The following SHANK2 variants were observed in gnomAD, a reference collection of about 807,000 sequenced individuals.
SHANK2 encodes the protein SH3 and multiple ankyrin repeat domains 2, also known as SH3 and multiple ankyrin repeat domains protein 2.
A neutral mutation model predicts 133.7 loss-of-function variants in SHANK2; 43 were observed. That is an observed-to-expected ratio of 0.32 (90% confidence interval 0.25 to 0.41). SHANK2 has a LOEUF of 0.41. Among genes scored for constraint, SHANK2 ranks in the 10% least tolerant of loss-of-function variants. The pLI is 1.00. For missense variants in SHANK2, 1,994 were observed against 2,235.8 expected (o/e 0.89, Z 2.18); for synonymous variants, 1,017 against 952.8 (o/e 1.07, Z -1.24).
In SHANK2 at chr11:70,500,480, A is replaced by G; in HGVS notation, c.2308+90T>C. On this transcript the variant is annotated intron_variant, in intron 21 of 25. Transcript: ENST00000601538. The surrounding 1 kb of genome is among the most constrained non-coding windows in gnomAD (Gnocchi z 4.5). ...AGAAGCCAACAAGGCTTTGCGACAC[A>G]TTTGAGACTTCACGGCATCACAAAG... is the stretch of plus-strand genomic sequence containing the variant. 1 of 1,533,650 alleles carries G rather than the reference A, an allele frequency of 6.5e-7. No homozygotes were observed. Among genetic ancestry groups the G allele is most frequent in the Non-Finnish European group, 8.9e-7 (1 of 1,129,530 alleles).
chr11:70,706,319 A>G (rs1945662687), intron 14 of SHANK2, among the ~76,000 whole-genome samples: 1 of 152,190 alleles, frequency 6.6e-6, no homozygotes, highest in South Asian at 2.1e-4. Flanking sequence ...GTAACTCTGG[A>G]GAAAGTGAGC....
chr11:70,719,325 T>C (rs1946025281), intron 14 of SHANK2, among the ~76,000 whole-genome samples: 1 of 152,188 alleles, frequency 6.6e-6, no homozygotes, highest in Non-Finnish European at 1.5e-5. Flanking sequence ...AAGGGTGGAC[T>C]TGGGGCTAGA....
chr11:70,948,333 T>G (rs1176890243), intron 10 of SHANK2: 1 of 457,226 alleles, frequency 2.2e-6, no homozygotes, highest in African/African-American at 2.0e-5. Context: ...GAGTGTGGTG[T>G]GGCTCACTGA....
At chr11:70,607,484 T>G (rs2060594153) in intron 17 of SHANK2, among the ~76,000 whole-genome samples, 1 of 152,160 alleles carries the variant, frequency 6.6e-6, no homozygotes, top group Non-Finnish European at 1.5e-5. Flanking sequence ...CTCCCTGCCC[T>G]CAGGTGCCCA....
At chr11:71,057,632 C>T (rs1468369442) in intron 9 of SHANK2, among the ~76,000 whole-genome samples, 2 of 152,084 alleles carry the variant, frequency 1.3e-5, no homozygotes, top group Non-Finnish European at 2.9e-5. Flanking sequence ...TCGCTGCAAC[C>T]TTCATCTCTT....
intron 10 of SHANK2, chr11:70,952,802 C>G: frequency 2.3e-6 from 1 of 429,776 alleles, no homozygotes; most frequent in African/African-American, 2.1e-5. Flanking sequence ...CCTATGGTCT[C>G]TGGTAGCTGC....
intron 17 of SHANK2, among the ~76,000 whole-genome samples, chr11:70,629,461 C>T (rs895742436): frequency 3.3e-5 from 5 of 152,324 alleles, no homozygotes; most frequent in East Asian, 3.9e-4. Flanking sequence ...GACACACGGA[C>T]GTCCAGCAGG....
chr11:70,673,838 C>G (rs1484004367), intron 15 of SHANK2, among the ~76,000 whole-genome samples: 1 of 152,264 alleles, frequency 6.6e-6, no homozygotes, highest in Non-Finnish European at 1.5e-5. Context: ...CTTCCAAGTG[C>G]TGATGCTTCA....
At chr11:70,625,699 C>G (rs1158725804) in intron 17 of SHANK2, among the ~76,000 whole-genome samples, 1 of 151,436 alleles carries the variant, frequency 6.6e-6, no homozygotes, top group Admixed American at 6.6e-5. Context: ...TCCCTGCACT[C>G]TCCTCTTTTA....
chr11:71,152,668 A>G (rs11232297), intron 2 of SHANK2, among the ~76,000 whole-genome samples: 85,696 of 151,998 alleles, frequency 0.56, 24,667 homozygotes, highest in South Asian at 0.71. Context: ...GAAGGGCTCC[A>G]GTGCTGGGTC....
chr11:70,759,165 A>AAAACCAAACC (rs112523125), intron 14 of SHANK2, among the ~76,000 whole-genome samples: 15 of 146,710 alleles, frequency 1.0e-4, no homozygotes, highest in East Asian at 4.3e-4. Flanking sequence ...ACTCCATCAC[A>AAAACCAAACC]AAACCAAACC....
chr11:71,123,076 G>A (rs1952109343), intron 3 of SHANK2, among the ~76,000 whole-genome samples: 1 of 152,156 alleles, frequency 6.6e-6, no homozygotes, highest in Admixed American at 6.5e-5. Context: ...CATACGTGAT[G>A]GGAGCCACCC....
At chr11:71,204,341 G>A (rs1388369337) in intron 2 of SHANK2, among the ~76,000 whole-genome samples, 2 of 152,240 alleles carry the variant, frequency 1.3e-5, no homozygotes, top group African/African-American at 4.8e-5. Context: ...GCCCCTGCTG[G>A]GCTGATGGTG....
intron 10 of SHANK2, among the ~76,000 whole-genome samples, chr11:70,903,002 A>G (rs1950045591): frequency 6.6e-6 from 1 of 152,066 alleles, no homozygotes; most frequent in Non-Finnish European, 1.5e-5. Context: ...GCTGGGGGAG[A>G]AGGGGGAGTT....
At chr11:70,540,959 T>C (rs1431035737) in intron 17 of SHANK2, among the ~76,000 whole-genome samples, 1 of 151,786 alleles carries the variant, frequency 6.6e-6, no homozygotes, top group African/African-American at 2.4e-5. Context: ...AAACTGAGCC[T>C]GTCCCTGTGA....
intron 10 of SHANK2, among the ~76,000 whole-genome samples, chr11:70,945,936 A>AG (rs1555085285): frequency 1.3e-5 from 2 of 151,020 alleles, no homozygotes; most frequent in East Asian, 2.0e-4. Flanking sequence ...AAACCTTCCC[A>AG]GTTCAACCTC....
At chr11:70,876,585 TTA>T (rs1268372254) in intron 11 of SHANK2, among the ~76,000 whole-genome samples, 1 of 114,850 alleles carries the variant, frequency 8.7e-6, no homozygotes, top group South Asian at 2.7e-4. Context: ...AAGAAAAAAA[TTA>T]TACACACACA....
chr11:70,870,373 A>G (rs958900615), intron 11 of SHANK2, among the ~76,000 whole-genome samples: 1 of 152,180 alleles, frequency 6.6e-6, no homozygotes, highest in East Asian at 1.9e-4. Flanking sequence ...CAGATGGGAA[A>G]AGGGCAGGTG....
chr11:70,727,555 C>T (rs1946201874), intron 14 of SHANK2, among the ~76,000 whole-genome samples: 3 of 152,238 alleles, frequency 2.0e-5, no homozygotes, highest in African/African-American at 7.2e-5. Flanking sequence ...GTATTCTGGC[C>T]CTATTGCTTT....
Sources: allele counts gnomAD v4.1 joint callset (sites outside exome capture counted in the v4.1 genomes callset), GRCh38; gene constraint gnomAD v4.1.1; non-coding constraint Gnocchi (gnomAD v3.1); transcripts MANE v1.5; gene names NCBI Gene and HGNC (gene_info 2026-07-23, HGNC 2026-07-21).